SCN11A: variants seen among roughly 807,000 people sequenced by gnomAD.
SCN11A encodes the protein sodium voltage-gated channel alpha subunit 11, also known as sodium channel protein type 11 subunit alpha.
Under a neutral mutation model 162.2 loss-of-function variants are expected in SCN11A, and 122 were observed. That is an observed-to-expected ratio of 0.75 (90% CI 0.65 to 0.87). SCN11A has a LOEUF of 0.87. Among genes scored for constraint, SCN11A ranks in the 40% least tolerant of loss-of-function variants. The probability of loss-of-function intolerance (pLI) is 0.00; values close to 1 mark genes in which losing one functional copy is unlikely to be tolerated. For synonymous variants in SCN11A, 758 were observed against 751.5 expected (o/e 1.01, Z -0.14); for missense variants, 2,015 against 2,181.6 (o/e 0.92, Z 1.52).
intron 19 of SCN11A, among the ~76,000 whole-genome samples, chr3:38,893,812 T>C (rs185443106): frequency 2.0e-5 from 3 of 151,748 alleles, no homozygotes; most frequent in African/African-American, 7.2e-5. Context: ...TAAAATAAAA[T>C]ATAATTAAAT....
At chr3:38,863,719 C>T (rs1451116202) in intron 27 of SCN11A, among the ~76,000 whole-genome samples, 1 of 151,766 alleles carries the variant, frequency 6.6e-6, no homozygotes. Context: ...ACTAACAAAG[C>T]TGCATAAAAT....
intron 11 of SCN11A, among the ~76,000 whole-genome samples, chr3:38,917,053 C>T (rs2065971255): frequency 6.6e-6 from 1 of 152,088 alleles, no homozygotes; most frequent in African/African-American, 2.4e-5. Flanking sequence ...GAGACAAGAG[C>T]CCTATAAAGA....
intron 2 of SCN11A, among the ~76,000 whole-genome samples, chr3:38,974,709 A>AAAAAAAAAAG (rs1553647127): frequency 2.3e-3 from 299 of 130,182 alleles, no homozygotes; most frequent in Non-Finnish European, 3.6e-3. Flanking sequence ...AAAAAAAAAA[A>AAAAAAAAAAG]AAAAGAAAAG....
At position 38,903,549 on chromosome 3, in the gene SCN11A, G is replaced by A. The variant is rs74472554; in HGVS notation, c.1842+316C>T. 5.8e-3 allele frequency among the ~76,000 whole-genome samples: 887 copies of A among 152,286 alleles called. 6 individuals are homozygous for A. The highest frequency in any genetic ancestry group is 7.9e-3 in the Non-Finnish European group (536 of 68,026). ...CTGGGACCACAACAGCCATTACCAC[G>A]GTTCTCTGGATATGGTTAACATTTT... On this transcript the variant is annotated intron_variant, in intron 16 of 29. Transcript: ENST00000302328.
In SCN11A at chr3:38,884,716, T is replaced by G. The variant is rs1366740996; in HGVS notation, c.3064+572A>C. 5.9e-5 allele frequency among the ~76,000 whole-genome samples: 9 copies of G among 152,242 alleles called. No homozygotes were observed. The East Asian group carries it at 1.7e-3, about 29-fold the overall frequency. Reference sequence around the variant, plus strand: ...AGGAATTAGGAAAGCCTGCATTTATTGATTGCTTATTTTTGTTCCAGATGC... The same window carrying G: ...AGGAATTAGGAAAGCCTGCATTTATGGATTGCTTATTTTTGTTCCAGATGC... On this transcript the variant is annotated intron_variant, in intron 21 of 29. Coordinates refer to ENST00000302328, the MANE Select transcript of SCN11A (RefSeq NM_001349253.2).
At chr3:38,908,268 GCT>G in intron 13 of SCN11A, 146 bp from the exon 14 acceptor site, 1 of 688,106 alleles carries the variant, frequency 1.5e-6, no homozygotes, top group South Asian at 1.8e-5. Flanking sequence ...GACTACGCTA[GCT>G]CTGTTATTTA....
chr3:39,007,694 C>T lies in SCN11A; in HGVS notation c.-280+24686G>A, dbSNP rs201133017. Among the ~76,000 whole-genome samples, 58 of 152,346 alleles carry T rather than the reference C, an allele frequency of 3.8e-4. No homozygotes were observed. The East Asian group carries it at 9.4e-3, about 25-fold the overall frequency. On this transcript the variant is annotated intron_variant, in intron 2 of 29. Transcript: ENST00000302328. ...ATCCATCGGGAAAGGAGCTCCTGCA[C>T]GCAGGACCATTTCAGACCTTGCCCT...
chr3:38,862,309 C>T (rs954076552), intron 28 of SCN11A, among the ~76,000 whole-genome samples: 1 of 152,044 alleles, frequency 6.6e-6, no homozygotes, highest in African/African-American at 2.4e-5. Context: ...ACTAGTATAA[C>T]CATTATGAAA....
chr3:39,001,781 TC>T (rs1438634161), intron 2 of SCN11A, among the ~76,000 whole-genome samples: 1 of 152,152 alleles, frequency 6.6e-6, no homozygotes, highest in Non-Finnish European at 1.5e-5. Context: ...ACGCCTGTAA[TC>T]CCAGCACTTT....
intron 7 of SCN11A, among the ~76,000 whole-genome samples, chr3:38,942,004 A>G (rs1020824283): frequency 1.3e-5 from 2 of 152,154 alleles, no homozygotes; most frequent in Middle Eastern, 3.2e-3. Flanking sequence ...AGAGTAAAAG[A>G]ATGGAAAAAG....
chr3:38,955,854 G>A (rs2066674043), intron 3 of SCN11A, among the ~76,000 whole-genome samples: 1 of 152,204 alleles, frequency 6.6e-6, no homozygotes, highest in South Asian at 2.1e-4. Flanking sequence ...TAACCGAAGA[G>A]TGCAATAAAA....
intron 2 of SCN11A, among the ~76,000 whole-genome samples, chr3:38,961,122 G>A (rs995845142): frequency 1.3e-5 from 2 of 152,276 alleles, no homozygotes; most frequent in Middle Eastern, 3.4e-3. Context: ...GTGTTTACAA[G>A]GAAGTAGGTG....
chr3:38,897,373 A>G (rs1466489571), intron 17 of SCN11A, 148 bp from the exon 18 acceptor site: 3 of 720,224 alleles, frequency 4.2e-6, no homozygotes, highest in Non-Finnish European at 6.7e-6. Context: ...CATAGCCATC[A>G]GATCGCTGTC....
chr3:38,863,751 GA>G (rs372582393), intron 27 of SCN11A, among the ~76,000 whole-genome samples: 13 of 147,632 alleles, frequency 8.8e-5, no homozygotes, highest in East Asian at 2.0e-4. Context: ...CACTCTCAGG[GA>G]AAAAAAAAAG....
intron 27 of SCN11A, among the ~76,000 whole-genome samples, chr3:38,864,785 T>C (rs1300851549): frequency 1.3e-5 from 2 of 152,172 alleles, no homozygotes; most frequent in African/African-American, 4.8e-5. Flanking sequence ...CATCGTGGCA[T>C]TTCAGAGAAC....
intron 10 of SCN11A, 59 bp downstream of exon 10, chr3:38,921,017 G>C: frequency 6.7e-7 from 1 of 1,481,716 alleles, no homozygotes; most frequent in Non-Finnish European, 9.4e-7. Flanking sequence ...GGACAAGTGA[G>C]GATAAGGAAA....
In SCN11A at chr3:38,908,123, C is replaced by G; in HGVS notation, c.1300-1G>C. 1 of 1,608,986 alleles carries G rather than the reference C, an allele frequency of 6.2e-7. No individual in the cohort carries two copies. The highest frequency in any genetic ancestry group is 8.5e-7 in the Non-Finnish European group (1 of 1,178,934). ...TGTCAATTCCCATGGCAACCAGAGCCTTCAAATTGAACAAAAGCAATTAAA... is the reference window on the plus strand; with the variant it reads ...TGTCAATTCCCATGGCAACCAGAGCGTTCAAATTGAACAAAAGCAATTAAA... On this transcript the variant is annotated splice_acceptor_variant, in intron 13 of 29. Coordinates refer to ENST00000302328, the MANE Select transcript of SCN11A (RefSeq NM_001349253.2). LOFTEE classifies it high-confidence loss of function.
rs41285131 is a variant in SCN11A at position 38,847,387 on chromosome 3, C to G, written c.4683G>C (p.Leu1561=). 19,463 of 1,614,116 alleles carry G rather than the reference C, an allele frequency of 0.012. 146 individuals carry two copies. The highest frequency in any genetic ancestry group is 0.015 in the Non-Finnish European group (17,659 of 1,180,000). ...AAGAGTTACATGATTCTTTTGATCG[C>G]AGCATGGGGCTGAGCAGGGAATCCC... is the stretch of plus-strand genomic sequence containing the variant. The part of the protein sequence containing the change: ...AGWDSLLSPM[L]RSKESCNSSS... The change falls in exon 30 of 30, where the codon CTG becomes CTC. Residue 1561 remains leucine, a synonymous_variant. Coordinates refer to ENST00000302328, the MANE Select transcript of SCN11A (RefSeq NM_001349253.2).
chr3:38,850,197 C>T (rs2064751782), intron 29 of SCN11A: 2 of 308,986 alleles, frequency 6.5e-6, no homozygotes, highest in African/African-American at 4.3e-5. Context: ...ACCACAAAAA[C>T]TTCTGAGTCA....
Sources: gnomAD v4.1 joint callset for allele counts (sites outside exome capture counted in the v4.1 genomes callset) on GRCh38, gnomAD v4.1.1 for gene constraint, MANE v1.5 for transcripts, NCBI Gene and HGNC (gene_info 2026-07-23, HGNC 2026-07-21) for gene names.